The following APOO variants were observed in gnomAD, a reference collection of about 807,000 sequenced individuals.
APOO encodes the protein MICOS complex subunit MIC26.
A neutral mutation model predicts 23.1 loss-of-function variants in APOO; 11 were observed. The observed-to-expected ratio is 0.48, with a 90% CI of 0.30 to 0.79. APOO has a LOEUF of 0.79. APOO is among the 30% of genes least tolerant of loss of function. APOO has a pLI of 0.07. For synonymous variants in APOO, 59 were observed against 54.8 expected (o/e 1.08, Z -0.34); for missense variants, 160 against 142.7 (o/e 1.12, Z -0.62).
chrX:23,871,235 C>T (rs1166469695), intron 4 of APOO, among the ~76,000 whole-genome samples: 8 of 100,542 alleles, frequency 8.0e-5, no homozygotes, highest in East Asian at 6.3e-4. Context: ...TGGTGGCAGG[C>T]GCCTGTAGTC....
intron 1 of APOO, among the ~76,000 whole-genome samples, chrX:23,887,455 ATC>A (rs1158471404): frequency 9.2e-6 from 1 of 108,672 alleles, no homozygotes; most frequent in Non-Finnish European, 1.9e-5. Flanking sequence ...GATGGTCTTG[ATC>A]TCTTCACCTT....
intron 5 of APOO, among the ~76,000 whole-genome samples, chrX:23,862,973 G>A (rs944152843): frequency 6.9e-4 from 71 of 102,563 alleles, no homozygotes; most frequent in Non-Finnish European, 1.1e-3. Flanking sequence ...GAGGGAGGGA[G>A]GAAAAGAAGA....
chrX:23,884,552 T>C (rs1260275365), intron 1 of APOO, among the ~76,000 whole-genome samples: 1 of 112,177 alleles, frequency 8.9e-6, no homozygotes, highest in Non-Finnish European at 1.9e-5. Flanking sequence ...AATTAACATA[T>C]GCACTACCTC....
intron 7 of APOO, among the ~76,000 whole-genome samples, chrX:23,850,696 G>A (rs921778626): frequency 1.2e-4 from 13 of 111,390 alleles, no homozygotes; most frequent in African/African-American, 2.0e-4. Context: ...GGATGGTGGC[G>A]CATGCCTGTA....
intron 5 of APOO, among the ~76,000 whole-genome samples, chrX:23,864,320 T>G (rs1925240520): frequency 9.3e-6 from 1 of 107,590 alleles, no homozygotes; most frequent in African/African-American, 3.4e-5. Context: ...TTGTTTGTTT[T>G]GAGATGGGGT....
chrX:23,860,814 G>A (rs1774660258), intron 5 of APOO, among the ~76,000 whole-genome samples: 1 of 98,998 alleles, frequency 1.0e-5, no homozygotes, highest in African/African-American at 3.7e-5. Flanking sequence ...GAGCCAGTAC[G>A]CCCAGCCCCC....
At chrX:23,871,362 CAA>C (rs750866169) in intron 4 of APOO, among the ~76,000 whole-genome samples, 1,251 of 56,278 alleles carry the variant, frequency 0.022, 28 homozygotes, top group African/African-American at 0.063. Context: ...GACTCCGTCT[CAA>C]AAAAAAAAAA....
rs779003585 is a variant in APOO at position 23,865,307 on chromosome X, C to A, written c.388+3286G>T. On this transcript the variant is annotated intron_variant, in intron 5 of 8. Coordinates refer to ENST00000379226, the MANE Select transcript of APOO (RefSeq NM_024122.5). ...AGCAGACTACCTTAGCAGATACGCT[C>A]AAGAAACCCCACCAGGCCAGGCACA... Among the ~76,000 whole-genome samples the A allele has an allele frequency of 4.5e-5, 5 of 111,021 alleles. No individual in the cohort carries two copies. The South Asian group carries it at 1.9e-3, about 42-fold the overall frequency.
At chrX:23,900,502 C>T (rs1170466066) in intron 1 of APOO, among the ~76,000 whole-genome samples, 1 of 109,236 alleles carries the variant, frequency 9.2e-6, no homozygotes, top group African/African-American at 3.3e-5. Context: ...GGTGAAACCC[C>T]ATCTCTAATA....
At chrX:23,861,403 T>C (rs1925020097) in intron 5 of APOO, among the ~76,000 whole-genome samples, 1 of 109,434 alleles carries the variant, frequency 9.1e-6, no homozygotes, top group South Asian at 3.9e-4. Flanking sequence ...GCCCAAGGCC[T>C]CACCAGAAGC....
At chrX:23,899,946 T>A (rs762460711) in intron 1 of APOO, among the ~76,000 whole-genome samples, 15 of 112,295 alleles carry the variant, frequency 1.3e-4, no homozygotes, top group Admixed American at 2.8e-4. Context: ...TTATCATAAA[T>A]GTCTGGTACA....
chrX:23,903,453 A>G (rs1393120357), intron 1 of APOO, among the ~76,000 whole-genome samples: 1 of 111,286 alleles, frequency 9.0e-6, no homozygotes, highest in Non-Finnish European at 1.9e-5. Flanking sequence ...TCACATGCCC[A>G]TTAAAGTTTG....
At chrX:23,862,117 C>G (rs1925079398) in intron 5 of APOO, among the ~76,000 whole-genome samples, 1 of 111,051 alleles carries the variant, frequency 9.0e-6, no homozygotes, top group African/African-American at 3.3e-5. Flanking sequence ...AGCTGCCTCA[C>G]TTTGAAACAT....
chrX:23,856,171 C>G (rs942437364), intron 7 of APOO, 131 bp downstream of exon 7: 10 of 669,293 alleles, frequency 1.5e-5, no homozygotes, highest in Middle Eastern at 7.9e-4. Flanking sequence ...CCTGAAAAAT[C>G]TGAGCTGGAG....
chrX:23,895,814 T>G (rs1431104941), intron 1 of APOO, among the ~76,000 whole-genome samples: 14 of 101,522 alleles, frequency 1.4e-4, no homozygotes, highest in Non-Finnish European at 2.4e-4. Context: ...TGGTCAATAA[T>G]AAGATTATCT....
intron 5 of APOO, among the ~76,000 whole-genome samples, chrX:23,864,937 C>T (rs1009745101): frequency 2.3e-4 from 25 of 110,610 alleles, no homozygotes; most frequent in African/African-American, 7.2e-4. Flanking sequence ...CAGGGAGAGC[C>T]GAGAAGTGGC....
chrX:23,868,747 A>AAAGTCTTAT (rs1925458758), intron 4 of APOO, 59 bp from the exon 5 acceptor site: 2 of 938,037 alleles, frequency 2.1e-6, no homozygotes, highest in Non-Finnish European at 3.0e-6. Flanking sequence ...AAACAAAACA[A>AAAGTCTTAT]AAGTCTTATA....
chrX:23,850,051 G>A (rs754289106), intron 7 of APOO, among the ~76,000 whole-genome samples: 1 of 112,002 alleles, frequency 8.9e-6, no homozygotes, highest in African/African-American at 3.2e-5. Flanking sequence ...ATAAATGAAT[G>A]TCCACGTTCT....
intron 1 of APOO, among the ~76,000 whole-genome samples, chrX:23,895,094 G>A (rs761731972): frequency 1.8e-5 from 2 of 108,511 alleles, no homozygotes; most frequent in East Asian, 2.9e-4. Context: ...GGCCGAGATC[G>A]CACCACTGCA....
Sources: gnomAD v4.1 joint callset for allele counts (sites outside exome capture counted in the v4.1 genomes callset) on GRCh38, gnomAD v4.1.1 for gene constraint, MANE v1.5 for transcripts, NCBI Gene and HGNC (gene_info 2026-07-23, HGNC 2026-07-21) for gene names.